Variants in BMX observed in about 807,000 individuals in gnomAD.
BMX encodes the protein BMX non-receptor tyrosine kinase.
Under a neutral mutation model 59.2 loss-of-function variants are expected in BMX, and 31 were observed. That is an observed-to-expected ratio of 0.52 (90% CI 0.39 to 0.71). The LOEUF (loss-of-function observed/expected upper bound fraction) is 0.71. Ranked by LOEUF, BMX falls within the 30% of genes least tolerant of loss-of-function variation. The pLI, the probability that BMX is intolerant of heterozygous loss-of-function variation, is 0.00. For missense variants in BMX, 474 were observed against 491.7 expected (o/e 0.96, Z 0.34); for synonymous variants, 185 against 181.0 (o/e 1.02, Z -0.18).
At chrX:15,525,181 A>C (rs1314995155) in intron 7 of BMX, 107 bp from the exon 8 acceptor site, 1 of 771,734 alleles carries the variant, frequency 1.3e-6, no homozygotes, top group Non-Finnish European at 1.8e-6. Context: ...TGTGTGGGTC[A>C]AAATGTCAAA....
At chrX:15,550,272 T>C (rs1926130484) in intron 18 of BMX, among the ~76,000 whole-genome samples, 1 of 111,661 alleles carries the variant, frequency 9.0e-6, no homozygotes, top group Non-Finnish European at 1.9e-5. Flanking sequence ...CTATCATTGC[T>C]GAAACTAACA....
chrX:15,511,376 G>A, intron 3 of BMX, 61 bp from the exon 4 acceptor site: 1 of 980,771 alleles, frequency 1.0e-6, no homozygotes, highest in South Asian at 2.3e-5. Flanking sequence ...AAATTTGCAG[G>A]TGCACCAAAG....
intron 9 of BMX, among the ~76,000 whole-genome samples, chrX:15,528,728 A>G (rs1468395434): frequency 8.9e-6 from 1 of 112,164 alleles, no homozygotes; most frequent in Non-Finnish European, 1.9e-5. Flanking sequence ...CTGAAATATT[A>G]TTTAAAACAA....
intron 12 of BMX, 119 bp from the exon 13 acceptor site, chrX:15,536,234 C>A: frequency 1.5e-6 from 1 of 663,240 alleles, no homozygotes; most frequent in Non-Finnish European, 2.3e-6. Flanking sequence ...TGCATTACAA[C>A]ATTCTGAACT....
chrX:15,554,830 A>G (rs1442946520), intron 18 of BMX, among the ~76,000 whole-genome samples: 1 of 111,443 alleles, frequency 9.0e-6, no homozygotes, highest in Non-Finnish European at 1.9e-5. Context: ...ATGAGATACC[A>G]CCTTAATGGT....
intron 16 of BMX, among the ~76,000 whole-genome samples, chrX:15,543,449 A>C (rs1274149143): frequency 9.0e-6 from 1 of 111,388 alleles, no homozygotes; most frequent in East Asian, 2.8e-4. Context: ...TTGTGGGTAC[A>C]TAGTAGGTAT....
chrX:15,509,880 G>A (rs1450209504), intron 3 of BMX, among the ~76,000 whole-genome samples: 1 of 111,766 alleles, frequency 8.9e-6, no homozygotes, highest in African/African-American at 3.3e-5. Context: ...CCCAGGATGT[G>A]GAAGTTTCAT....
Position 15,530,013 on chromosome X carries a change from T to C in BMX, c.925T>C (p.Leu309=). Residue 309 remains leucine (L), a synonymous_variant, in exon 10 of 19, where the codon TTA becomes CTA. Coordinates refer to ENST00000348343, the MANE Select transcript of BMX (RefSeq NM_203281.3). The stretch of plus-strand genomic sequence containing the variant: ...CATCTCCAGATCACAATCTGAACAG[T>C]TACTCAGACAAAAGGTAAATAGTCT... ...GNISRSQSEQ[L]LRQKGKEGAF... is the part of the protein sequence containing the mutation. 8.3e-7 allele frequency: 1 copy of C among 1,208,678 alleles called. No individual in the cohort carries two copies. The highest frequency in any genetic ancestry group is 1.1e-6 in the Non-Finnish European group (1 of 893,153).
chrX:15,555,400 G>C (rs1926384123), intron 18 of BMX, among the ~76,000 whole-genome samples: 1 of 108,546 alleles, frequency 9.2e-6, no homozygotes, highest in African/African-American at 3.4e-5. Context: ...GTAGAGACAG[G>C]GTTTCGCCAT....
intron 18 of BMX, among the ~76,000 whole-genome samples, chrX:15,552,538 A>C (rs772324333): frequency 8.9e-6 from 1 of 112,328 alleles, no homozygotes; most frequent in South Asian, 3.7e-4. Flanking sequence ...TAAAATTGTT[A>C]GTAGCTCCTT....
rs1471383278 is a variant in BMX, at chrX:15,518,974, G to A, written c.510+981G>A. Among the ~76,000 whole-genome samples the A allele has an allele frequency of 9.8e-5, 11 of 112,082 alleles. No individual in the cohort carries two copies. In the East Asian group the frequency reaches 3.1e-3, roughly 32 times the overall value. On this transcript the variant is annotated intron_variant, in intron 6 of 18. Transcript: ENST00000348343. ...CAGCCAACTTTTTCCCAAGAGTGGA[G>A]TTGGCCTATAAGAAAACAAACAAAA...
Position 15,516,481 on chromosome X carries a change from A to T in BMX, c.445+250A>T, listed in dbSNP as rs1382840370. On this transcript the variant is annotated intron_variant, in intron 5 of 18. Transcript: ENST00000348343. Reference sequence around the variant, plus strand: ...TCATTTCATGAGAAACATTTTAAAAATTTGAATCATTAATCAAGCAATGAG... The same window carrying T: ...TCATTTCATGAGAAACATTTTAAAATTTTGAATCATTAATCAAGCAATGAG... Among the ~76,000 whole-genome samples, 3 of 111,942 alleles carry T rather than the reference A, an allele frequency of 2.7e-5. No homozygotes were observed. In the East Asian group the frequency reaches 8.3e-4, roughly 31 times the overall value.
intron 9 of BMX, among the ~76,000 whole-genome samples, chrX:15,528,640 A>G (rs776751653): frequency 7.2e-5 from 8 of 110,508 alleles, no homozygotes; most frequent in Non-Finnish European, 1.5e-4. Flanking sequence ...CCTATGTGAC[A>G]GAGTGAGACC....
intron 14 of BMX, among the ~76,000 whole-genome samples, chrX:15,538,127 G>C (rs1039570600): frequency 1.8e-5 from 2 of 109,831 alleles, no homozygotes; most frequent in African/African-American, 6.6e-5. Context: ...CTTTCCCTCT[G>C]TGTCTTCTCT....
At position 15,543,149 on chromosome X, in the gene BMX, G is replaced by A. The variant is rs746229396; in HGVS notation, c.1676+14G>A. The A allele has an allele frequency of 1.9e-5, 23 of 1,194,077 alleles. No individual in the cohort carries two copies. The highest frequency in any genetic ancestry group is 4.4e-5 in the Admixed American group (2 of 45,410). On this transcript the variant is annotated intron_variant, in intron 16 of 18. Coordinates refer to ENST00000348343, the MANE Select transcript of BMX (RefSeq NM_203281.3). ...TGGAATGACAAGGTAAGCCAATTCC[G>A]AAAGGGCAACCAGTGAAAGGGGGAT...
At chrX:15,520,684 T>G (rs1001791308) in intron 6 of BMX, among the ~76,000 whole-genome samples, 1 of 111,760 alleles carries the variant, frequency 8.9e-6, no homozygotes, top group African/African-American at 3.3e-5. Flanking sequence ...GCTTCCCAAA[T>G]GAACCAGGGA....
chrX:15,525,691 A>T (rs1924681714), intron 8 of BMX, among the ~76,000 whole-genome samples: 1 of 110,595 alleles, frequency 9.0e-6, no homozygotes, highest in Non-Finnish European at 1.9e-5. Context: ...ACACAACCCA[A>T]TTTTTTTTTA....
chrX:15,523,739 G>A (rs1314568324), intron 7 of BMX, among the ~76,000 whole-genome samples: 1 of 111,661 alleles, frequency 9.0e-6, no homozygotes, highest in African/African-American at 3.3e-5. Context: ...CATTGAGAGA[G>A]GTGTGAGGTG....
At position 15,551,543 on chromosome X, in the gene BMX, A is replaced by T. The variant is rs233572; in HGVS notation, c.1953+1546A>T. On this transcript the variant is annotated intron_variant, in intron 18 of 18. Coordinates refer to ENST00000348343, the MANE Select transcript of BMX (RefSeq NM_203281.3). ...TGTGTGTGTGTGTATATATATATAT[A>T]TTTTTTTTTTTTTACAAAGCATCTA... is the stretch of plus-strand genomic sequence containing the variant. Among the ~76,000 whole-genome samples the T allele has an allele frequency of 5.6e-3, 553 of 98,921 alleles. 4 individuals carry two copies. Among genetic ancestry groups the T allele is most frequent in the Non-Finnish European group, 8.8e-3 (431 of 49,111 alleles). The allele number at this position is 98,921 out of a possible 115,157, so 85.9% of individuals were successfully genotyped here.
Sources: allele counts gnomAD v4.1 joint callset (sites outside exome capture counted in the v4.1 genomes callset), GRCh38; gene constraint gnomAD v4.1.1; transcripts MANE v1.5; gene names NCBI Gene and HGNC (gene_info 2026-07-23, HGNC 2026-07-21).